Variants in ZBTB8OS observed in about 807,000 individuals in gnomAD.
The protein encoded by ZBTB8OS is tRNA splicing ligase complex subunit 1, also known as tRNA-splicing ligase-activating factor archease.
A neutral mutation model predicts 29.3 loss-of-function variants in ZBTB8OS; 16 were observed. That is an observed-to-expected ratio of 0.55 (90% confidence interval 0.37 to 0.83). The LOEUF is 0.83. Ranked by LOEUF, ZBTB8OS falls within the 40% of genes least tolerant of loss-of-function variation. The pLI is 0.00. For missense variants in ZBTB8OS, 160 were observed against 196.9 expected (o/e 0.81, Z 1.12); for synonymous variants, 70 against 64.6 (o/e 1.08, Z -0.40).
At chr1:32,643,096 G>A (rs952758724) in intron 1 of ZBTB8OS, among the ~76,000 whole-genome samples, 1 of 114,598 alleles carries the variant, frequency 8.7e-6, no homozygotes, top group Non-Finnish European at 1.7e-5. Flanking sequence ...TTGAGATAGA[G>A]TTTCGCTCTT....
chr1:32,628,851 G>C (rs1450310253), intron 5 of ZBTB8OS, among the ~76,000 whole-genome samples: 1 of 151,390 alleles, frequency 6.6e-6, no homozygotes, highest in Non-Finnish European at 1.5e-5. Flanking sequence ...CACAAGAATG[G>C]TTTGAATCTG....
chr1:32,644,485 T>C (rs1009659329), intron 1 of ZBTB8OS, among the ~76,000 whole-genome samples: 1 of 151,952 alleles, frequency 6.6e-6, no homozygotes, highest in African/African-American at 2.4e-5. Flanking sequence ...GTGTTGGGAT[T>C]ATAGGTGTGA....
At chr1:32,644,451 G>A (rs1646676537) in intron 1 of ZBTB8OS, among the ~76,000 whole-genome samples, 1 of 151,864 alleles carries the variant, frequency 6.6e-6, no homozygotes, top group African/African-American at 2.4e-5. Flanking sequence ...GTAAATACCA[G>A]GTTGGGCATT....
intron 1 of ZBTB8OS, among the ~76,000 whole-genome samples, chr1:32,639,663 T>C (rs1646252378): frequency 6.6e-6 from 1 of 151,860 alleles, no homozygotes; most frequent in South Asian, 2.1e-4. Flanking sequence ...GAGGCTGAGA[T>C]GGGGAGGACT....
At chr1:32,648,708 G>A (rs1172257946) in intron 1 of ZBTB8OS, among the ~76,000 whole-genome samples, 1 of 152,160 alleles carries the variant, frequency 6.6e-6, no homozygotes, top group Non-Finnish European at 1.5e-5. Flanking sequence ...GCCCAGGCTG[G>A]AGTGCAGTGG....
chr1:32,637,345 C>T (rs529530353), intron 1 of ZBTB8OS, among the ~76,000 whole-genome samples: 21 of 152,034 alleles, frequency 1.4e-4, no homozygotes, highest in Non-Finnish European at 2.1e-4. Flanking sequence ...GGGTGGATCA[C>T]GAGGTCAGGG....
chr1:32,649,601 C>T (rs1445277523), intron 1 of ZBTB8OS, among the ~76,000 whole-genome samples: 1 of 150,860 alleles, frequency 6.6e-6, no homozygotes, highest in Non-Finnish European at 1.5e-5. Context: ...TGCACTCCAG[C>T]CTGGACGACA....
intron 5 of ZBTB8OS, among the ~76,000 whole-genome samples, chr1:32,629,026 A>G (rs1645337907): frequency 6.6e-6 from 1 of 152,170 alleles, no homozygotes; most frequent in Non-Finnish European, 1.5e-5. Context: ...TAGTGTACCT[A>G]TGGTGGAATC....
At chr1:32,647,166 C>T (rs1031821700) in intron 1 of ZBTB8OS, among the ~76,000 whole-genome samples, 4 of 146,200 alleles carry the variant, frequency 2.7e-5, no homozygotes, top group Admixed American at 6.9e-5. Flanking sequence ...ATTGGAAGTT[C>T]GAGACCACCC....
Position 32,632,644 on chromosome 1 carries a change from A to G in ZBTB8OS, c.328-765T>C, listed in dbSNP as rs545649284. The stretch of plus-strand genomic sequence containing the variant: ...GCCATGTTGCCCAAGCTGAGTATTA[A>G]ATATATTTCAAGGAAATAAGTTTTT... On this transcript the variant is annotated intron_variant, in intron 4 of 6. Transcript: ENST00000468695. Among the ~76,000 whole-genome samples, 7 of 152,264 alleles carry G rather than the reference A, an allele frequency of 4.6e-5. No individual in the cohort carries two copies. The East Asian group carries it at 1.3e-3, about 29-fold the overall frequency.
intron 1 of ZBTB8OS, 178 bp downstream of exon 1, chr1:32,650,255 G>A: frequency 2.7e-6 from 2 of 742,768 alleles, no homozygotes; most frequent in East Asian, 5.6e-5. Flanking sequence ...TAAACCAGGT[G>A]GCTTTTTCCT....
intron 1 of ZBTB8OS, among the ~76,000 whole-genome samples, chr1:32,636,507 G>C (rs1261099476): frequency 6.6e-6 from 1 of 152,066 alleles, no homozygotes; most frequent in Middle Eastern, 3.2e-3. Flanking sequence ...TGGCCAACAT[G>C]ATGAAAGCTT....
intron 6 of ZBTB8OS, among the ~76,000 whole-genome samples, chr1:32,622,730 GA>G (rs558004569): frequency 7.4e-6 from 1 of 134,908 alleles, no homozygotes; most frequent in African/African-American, 2.7e-5. Context: ...AAGTTGGAAA[GA>G]AAAAAAAGTA....
chr1:32,648,419 A>G (rs1647017126), intron 1 of ZBTB8OS, among the ~76,000 whole-genome samples: 1 of 152,244 alleles, frequency 6.6e-6, no homozygotes, highest in Non-Finnish European at 1.5e-5. Flanking sequence ...CAGTGGATGT[A>G]CAAGTGTATT....
chr1:32,633,359 C>T, intron 4 of ZBTB8OS: 2 of 292,838 alleles, frequency 6.8e-6, no homozygotes, highest in Non-Finnish European at 6.4e-6. Flanking sequence ...CTGTCTCTAT[C>T]AAAAACAAAA....
At position 32,621,719 on chromosome 1, in the gene ZBTB8OS, AG is replaced by A. The variant is rs2148275409; in HGVS notation, c.*142del. ...TGTGCCCTGATTTTCCCTTTCTGAAAGTCACACTTTAACTAAAATATTTCTG... is the reference window on the plus strand; with the variant it reads ...TGTGCCCTGATTTTCCCTTTCTGAAATCACACTTTAACTAAAATATTTCTG... On this transcript the variant is annotated 3_prime_UTR_variant, in exon 7 of 7. Coordinates refer to ENST00000468695, the MANE Select transcript of ZBTB8OS (RefSeq NM_178547.5). The A allele has an allele frequency of 3.1e-6, 2 of 655,648 alleles. No homozygotes were observed. The highest frequency in any genetic ancestry group is 5.8e-5 in the East Asian group (2 of 34,494). 40.6% of individuals were successfully genotyped at this position (655,648 alleles called of 1,614,324 possible).
rs897106996 is a variant in ZBTB8OS, at chr1:32,621,766, C to CA, written c.*95dup. On this transcript the variant is annotated 3_prime_UTR_variant, in exon 7 of 7. Transcript: ENST00000468695. ...TTCTGTTCTACAAATTTCCATATAT[C>CA]AAAAAAAAGCTGTAGAATTTAATTC... 128 of 875,154 alleles carry CA rather than the reference C, an allele frequency of 1.5e-4. No individual in the cohort carries two copies. The highest frequency in any genetic ancestry group is 4.8e-4 in the South Asian group (31 of 64,108). 54.2% of individuals were successfully genotyped at this position (875,154 alleles called of 1,614,324 possible).
At position 32,644,904 on chromosome 1, in the gene ZBTB8OS, G is replaced by C. The variant is rs1441106728; in HGVS notation, c.97+5529C>G. 5.9e-5 allele frequency among the ~76,000 whole-genome samples: 9 copies of C among 152,032 alleles called. No individual in the cohort carries two copies. In the South Asian group the frequency reaches 8.3e-4, roughly 14 times the overall value. ...TAATATAATAATAAAAAGGCAGCCAGACACGGTGGCTCACGCCTGTAATCC... is the reference window on the plus strand; with the variant it reads ...TAATATAATAATAAAAAGGCAGCCACACACGGTGGCTCACGCCTGTAATCC... On this transcript the variant is annotated intron_variant, in intron 1 of 6. Coordinates refer to ENST00000468695, the MANE Select transcript of ZBTB8OS (RefSeq NM_178547.5).
chr1:32,627,084 C>A (rs1645180703), intron 6 of ZBTB8OS, among the ~76,000 whole-genome samples: 1 of 152,106 alleles, frequency 6.6e-6, no homozygotes, highest in East Asian at 1.9e-4. Context: ...ATTATCTGTC[C>A]ATTTTACAGA....
Sources: allele counts gnomAD v4.1 joint callset (sites outside exome capture counted in the v4.1 genomes callset), GRCh38; gene constraint gnomAD v4.1.1; transcripts MANE v1.5; gene names NCBI Gene and HGNC (gene_info 2026-07-23, HGNC 2026-07-21).